TUSC3: variants seen among roughly 807,000 people sequenced by gnomAD.
TUSC3 encodes the protein tumor suppressor candidate 3.
In TUSC3, 45 loss-of-function variants were observed where a neutral mutation model predicts 44.8. The ratio of observed to expected loss-of-function variants is 1.00; its 90% CI spans 0.79 to 1.29. The LOEUF (loss-of-function observed/expected upper bound fraction) is 1.29. Ranked by LOEUF, TUSC3 falls within the 50% of genes most tolerant of loss-of-function variation. The probability of loss-of-function intolerance (pLI) is 0.00; values close to 1 mark genes in which losing one functional copy is unlikely to be tolerated. For missense variants in TUSC3, 519 were observed against 437.9 expected, an observed-to-expected ratio of 1.19 and a Z score of -1.65; for synonymous variants, 212 against 152.9, an observed-to-expected ratio of 1.39 and a Z score of -2.85.
At chr8:15,712,850 A>G (rs1809912769) in intron 6 of TUSC3, among the ~76,000 whole-genome samples, 1 of 152,102 alleles carries the variant, frequency 6.6e-6, no homozygotes, top group Admixed American at 6.6e-5. Flanking sequence ...AACTACTACA[A>G]GAGTTATCTG....
intron 2 of TUSC3, among the ~76,000 whole-genome samples, chr8:15,527,896 A>T (rs1801397121): frequency 6.6e-6 from 1 of 152,216 alleles, no homozygotes; most frequent in South Asian, 2.1e-4. Context: ...TACACTTTTT[A>T]ATGAGTAAAA....
rs776868818 is a variant in TUSC3 at position 15,540,476 on chromosome 8, C to T, written c.46C>T (p.Arg16Trp). ...TTCACGCCGTAGGCAAGCGGGGCGG[C>T]GGCTGCGGTACCTGCCCACCGGGAG... is the stretch of plus-strand genomic sequence containing the variant. ...APSRRRQAGR[R>W]LRYLPTGSFP... The change falls in exon 1 of 11, where the codon CGG (arginine) becomes TGG (tryptophan). Residue 16 changes from arginine to tryptophan, a missense_variant. By Grantham distance (101) the Arg-to-Trp change is moderately radical. Coordinates refer to ENST00000503731, the MANE Select transcript of TUSC3 (RefSeq NM_006765.4). 8 of 1,607,006 alleles carry T rather than the reference C, an allele frequency of 5.0e-6. No homozygotes were observed. In the South Asian group the frequency reaches 5.5e-5, roughly 11 times the overall value.
At chr8:15,611,072 A>G (rs2129158809) in intron 1 of TUSC3, among the ~76,000 whole-genome samples, 1 of 152,336 alleles carries the variant, frequency 6.6e-6, no homozygotes, top group African/African-American at 2.4e-5. Context: ...CTTTACACAA[A>G]CAAAAGGTCT....
intron 1 of TUSC3, among the ~76,000 whole-genome samples, chr8:15,610,805 C>G (rs1804730748): frequency 6.6e-6 from 1 of 152,074 alleles, no homozygotes; most frequent in African/African-American, 2.4e-5. Context: ...TTGAGGGCCT[C>G]TCAGGAGCCA....
the TUSC3 span, among the ~76,000 whole-genome samples, chr8:15,826,519 C>G: frequency 6.6e-6 from 1 of 152,136 alleles, no homozygotes; most frequent in African/African-American, 2.4e-5. Context: ...TATAGGGGAG[C>G]TGTGTTTTGC....
intron 1 of TUSC3, among the ~76,000 whole-genome samples, chr8:15,483,169 T>C (rs750526074): frequency 6.6e-6 from 1 of 152,244 alleles, no homozygotes; most frequent in Non-Finnish European, 1.5e-5. Flanking sequence ...AGTTAAATTC[T>C]ATTAAATTTT....
At chr8:15,594,045 A>G (rs1015385585) in intron 1 of TUSC3, among the ~76,000 whole-genome samples, 14 of 152,176 alleles carry the variant, frequency 9.2e-5, no homozygotes, top group East Asian at 7.7e-4. Context: ...CTTTCTCCCC[A>G]ACTTGTATAC....
At chr8:15,798,610 G>T in the TUSC3 span, among the ~76,000 whole-genome samples, 10 of 150,726 alleles carry the variant, frequency 6.6e-5, no homozygotes, top group African/African-American at 2.4e-4. Context: ...CAAAGGAACT[G>T]CAAATTTGTT....
intron 6 of TUSC3, among the ~76,000 whole-genome samples, chr8:15,725,603 C>CATGA (rs1554482192): frequency 6.6e-6 from 1 of 151,200 alleles, no homozygotes; most frequent in Non-Finnish European, 1.5e-5. Flanking sequence ...TCTTAGATGA[C>CATGA]TGATGATGAT....
the TUSC3 span, among the ~76,000 whole-genome samples, chr8:15,829,546 GTC>G: frequency 0.11 from 15,996 of 151,944 alleles, 939 homozygotes; most frequent in East Asian, 0.25. Context: ...AGTTGCAAAG[GTC>G]TCTCTCAATT....
chr8:15,532,728 G>A (rs1447916409), intron 2 of TUSC3, among the ~76,000 whole-genome samples: 2 of 152,268 alleles, frequency 1.3e-5, no homozygotes, highest in East Asian at 3.9e-4. Flanking sequence ...GGACCCAGTG[G>A]GAGAAAACTG....
chr8:15,776,023 A>G, the TUSC3 span, among the ~76,000 whole-genome samples: 2 of 152,048 alleles, frequency 1.3e-5, no homozygotes, highest in Non-Finnish European at 2.9e-5. Flanking sequence ...GTTTGACTGT[A>G]GAAAAGATGT....
intron 1 of TUSC3, among the ~76,000 whole-genome samples, chr8:15,554,207 A>C (rs778770730): frequency 6.6e-6 from 1 of 151,796 alleles, no homozygotes; most frequent in African/African-American, 2.4e-5. Flanking sequence ...AGGTTTCAAC[A>C]TAAGAATTTT....
chr8:15,702,600 C>T (rs1809451467), intron 6 of TUSC3, among the ~76,000 whole-genome samples: 1 of 152,038 alleles, frequency 6.6e-6, no homozygotes, highest in Admixed American at 6.6e-5. Flanking sequence ...TTGGTAGTGT[C>T]TCCCTATCCT....
At chr8:15,536,935 A>C (rs562204769), upstream of TUSC3, among the ~76,000 whole-genome samples, 15 of 152,096 alleles carry the variant, frequency 9.9e-5, no homozygotes, top group African/African-American at 3.4e-4. Context: ...TGACTCTGGC[A>C]TAATAGTATG....
chr8:15,602,338 T>A (rs1462182937), intron 1 of TUSC3, among the ~76,000 whole-genome samples: 1 of 151,726 alleles, frequency 6.6e-6, no homozygotes, highest in Non-Finnish European at 1.5e-5. Context: ...AAGTTTGATT[T>A]GTCTGGACAA....
At chr8:15,530,235 C>G (rs1370424258) in intron 2 of TUSC3, among the ~76,000 whole-genome samples, 2 of 152,034 alleles carry the variant, frequency 1.3e-5, no homozygotes, top group Non-Finnish European at 2.9e-5. Flanking sequence ...GCTTGCTTCT[C>G]TAAAGGAAAC....
intron 6 of TUSC3, among the ~76,000 whole-genome samples, chr8:15,682,141 G>A (rs959701540): frequency 6.6e-6 from 1 of 152,132 alleles, no homozygotes; most frequent in Non-Finnish European, 1.5e-5. Context: ...TTATTCTGCA[G>A]TTGTTGTGTG....
chr8:15,755,944 T>A (rs1811910861), intron 9 of TUSC3, among the ~76,000 whole-genome samples: 1 of 152,134 alleles, frequency 6.6e-6, no homozygotes, highest in African/African-American at 2.4e-5. Flanking sequence ...CACAAAAGTT[T>A]CCTTTAGAAG....
Sources: allele counts gnomAD v4.1 joint callset (sites outside exome capture counted in the v4.1 genomes callset), GRCh38; gene constraint gnomAD v4.1.1; transcripts MANE v1.5; gene names NCBI Gene and HGNC (gene_info 2026-07-23, HGNC 2026-07-21).